Variants in MSRA observed in about 807,000 individuals in gnomAD.
The protein encoded by MSRA is mitochondrial peptide methionine sulfoxide reductase.
In MSRA, 54 loss-of-function variants were observed where a neutral mutation model predicts 31.3. The observed-to-expected ratio is 1.73, with a 90% CI of 1.39 to 2.17. The LOEUF (loss-of-function observed/expected upper bound fraction) is 2.17. MSRA is among the 30% of genes most tolerant of loss of function. The pLI is 0.00. For missense variants in MSRA, 507 were observed against 300.9 expected (o/e 1.69, Z -5.07); for synonymous variants, 169 against 116.5 (o/e 1.45, Z -2.90).
intron 3 of MSRA, among the ~76,000 whole-genome samples, chr8:10,283,815 A>ATATATATG (rs1372014068): frequency 2.1e-5 from 1 of 46,530 alleles, no homozygotes; most frequent in African/African-American, 6.3e-5. Context: ...ATATATATAT[A>ATATATATG]TATATATATA....
At chr8:10,109,618 A>C (rs1800136184) in intron 1 of MSRA, among the ~76,000 whole-genome samples, 1 of 152,228 alleles carries the variant, frequency 6.6e-6, no homozygotes, top group African/African-American at 2.4e-5. Flanking sequence ...CTGGAATTAT[A>C]GGTGTACGCC....
chr8:10,195,480 A>G (rs1281676401), intron 1 of MSRA, among the ~76,000 whole-genome samples: 1 of 152,116 alleles, frequency 6.6e-6, no homozygotes, highest in Non-Finnish European at 1.5e-5. Context: ...AGCTCAGGCA[A>G]TTTGCCTACC....
At chr8:10,250,583 A>T (rs966822051) in intron 3 of MSRA, 1 of 662,604 alleles carries the variant, frequency 1.5e-6, no homozygotes, top group Middle Eastern at 2.4e-4. Context: ...ACATTTCCTT[A>T]TCAACAGAAT....
At chr8:10,309,362 G>A (rs1452922938) in intron 4 of MSRA, among the ~76,000 whole-genome samples, 1 of 152,236 alleles carries the variant, frequency 6.6e-6, no homozygotes, top group Non-Finnish European at 1.5e-5. Context: ...AATAAGCGCT[G>A]GCTCTAATAG....
At chr8:10,391,498 A>G (rs934532114) in intron 5 of MSRA, among the ~76,000 whole-genome samples, 1 of 152,182 alleles carries the variant, frequency 6.6e-6, no homozygotes, top group Non-Finnish European at 1.5e-5. Context: ...TTCAGTTAAA[A>G]CTATGAAAAT....
At chr8:10,196,920 C>G (rs546174997) in intron 1 of MSRA, among the ~76,000 whole-genome samples, 1 of 152,034 alleles carries the variant, frequency 6.6e-6, no homozygotes, top group East Asian at 1.9e-4. Flanking sequence ...TTGTATATGA[C>G]TCTTTATAGA....
At chr8:10,385,439 C>T (rs187096304) in intron 5 of MSRA, among the ~76,000 whole-genome samples, 112 of 152,226 alleles carry the variant, frequency 7.4e-4, no homozygotes, top group Non-Finnish European at 5.1e-4. Flanking sequence ...GTCAGAATGA[C>T]GGGTGGTACA....
rs532511572 is a variant in MSRA, at chr8:10,248,630, C to T, written c.331+3407C>T. On this transcript the variant is annotated intron_variant, in intron 3 of 5. Coordinates refer to ENST00000317173, the MANE Select transcript of MSRA (RefSeq NM_012331.5). The stretch of plus-strand genomic sequence containing the variant: ...TCCAGAGAGGGTGTGGATTCATATC[C>T]GAATGGTATTTCTATGTGGAAATTG... Among the ~76,000 whole-genome samples, 17 of 152,214 alleles carry T rather than the reference C, an allele frequency of 1.1e-4. No individual in the cohort carries two copies. The East Asian group carries it at 1.5e-3, about 14-fold the overall frequency.
chr8:10,379,468 G>T (rs967276676), intron 5 of MSRA, among the ~76,000 whole-genome samples: 1 of 152,212 alleles, frequency 6.6e-6, no homozygotes, highest in Non-Finnish European at 1.5e-5. Flanking sequence ...AGGCTGGGCT[G>T]GAGCCTGTGG....
intron 1 of MSRA, among the ~76,000 whole-genome samples, chr8:10,178,189 A>G (rs1228129461): frequency 1.3e-5 from 2 of 152,186 alleles, no homozygotes; most frequent in Non-Finnish European, 2.9e-5. Context: ...TCCTTGAGCT[A>G]AGAGTGTGAA....
At chr8:10,080,776 C>A (rs369647539) in intron 1 of MSRA, among the ~76,000 whole-genome samples, 5 of 151,224 alleles carry the variant, frequency 3.3e-5, no homozygotes, top group East Asian at 1.9e-4. Context: ...TGGGCTCAAG[C>A]GATCCTCCTG....
chr8:10,424,904 C>G (rs866538003), intron 5 of MSRA, among the ~76,000 whole-genome samples: 52 of 152,320 alleles, frequency 3.4e-4, no homozygotes, highest in African/African-American at 1.2e-3. Flanking sequence ...GGGGCCCACC[C>G]CGGGGGACAG....
intron 1 of MSRA, among the ~76,000 whole-genome samples, chr8:10,129,194 A>G (rs546689018): frequency 7.2e-5 from 11 of 152,106 alleles, no homozygotes; most frequent in Admixed American, 5.9e-4. Flanking sequence ...AGTTTGCTGT[A>G]GGTTCTTTGC....
intron 4 of MSRA, among the ~76,000 whole-genome samples, chr8:10,311,337 A>C (rs1215664398): frequency 1.3e-5 from 2 of 152,228 alleles, no homozygotes; most frequent in African/African-American, 4.8e-5. Context: ...AGAGGATTAG[A>C]TATATCTTTA....
At chr8:10,401,104 T>A (rs939984580) in intron 5 of MSRA, among the ~76,000 whole-genome samples, 12 of 150,258 alleles carry the variant, frequency 8.0e-5, no homozygotes, top group Non-Finnish European at 1.5e-4. Context: ...ATCAAGAATA[T>A]AAAAAAAAAC....
chr8:10,427,938 A>T (rs1003255030), intron 5 of MSRA, among the ~76,000 whole-genome samples: 5 of 152,148 alleles, frequency 3.3e-5, no homozygotes, highest in Non-Finnish European at 5.9e-5. Flanking sequence ...TATAAACCTG[A>T]TTTCAGTTCC....
chr8:10,291,725 T>C (rs1800246974), intron 3 of MSRA, among the ~76,000 whole-genome samples: 1 of 152,148 alleles, frequency 6.6e-6, no homozygotes, highest in African/African-American at 2.4e-5. Flanking sequence ...TTTGATTTGG[T>C]TTAACGGTTT....
At chr8:10,410,082 G>A (rs9650652) in intron 5 of MSRA, among the ~76,000 whole-genome samples, 142,275 of 152,244 alleles carry the variant, frequency 0.93, 67,076 homozygotes, top group East Asian at 1. Flanking sequence ...ATATTTCTTC[G>A]TAGAGCAAGT....
chr8:10,403,427 TC>T (rs1399098178), intron 5 of MSRA, among the ~76,000 whole-genome samples: 1 of 152,124 alleles, frequency 6.6e-6, no homozygotes, highest in Non-Finnish European at 1.5e-5. Flanking sequence ...GGATCCCTTC[TC>T]CAGGGCCACA....
Sources: gnomAD v4.1 joint callset for allele counts (sites outside exome capture counted in the v4.1 genomes callset) on GRCh38, gnomAD v4.1.1 for gene constraint, MANE v1.5 for transcripts, NCBI Gene and HGNC (gene_info 2026-07-23, HGNC 2026-07-21) for gene names.